Variants in TMC6 observed in about 807,000 individuals in gnomAD.
TMC6 encodes transmembrane channel like 6.
In TMC6, 71 loss-of-function variants were observed where a neutral mutation model predicts 95.4. The observed-to-expected ratio is 0.74, with a 90% CI of 0.61 to 0.91. The LOEUF (loss-of-function observed/expected upper bound fraction) is 0.91. Ranked by LOEUF, TMC6 falls within the 40% of genes least tolerant of loss-of-function variation. The pLI is 0.00. For missense variants in TMC6, 1,074 were observed against 1,079.1 expected (o/e 1.00, Z 0.07); for synonymous variants, 514 against 483.1 (o/e 1.06, Z -0.84).
intron 5 of TMC6, 65 bp downstream of exon 5, chr17:78,125,661 C>T: frequency 6.5e-7 from 1 of 1,543,266 alleles, no homozygotes; most frequent in African/African-American, 1.4e-5. Context: ...CCAGGCCAGG[C>T]TGGCCTCTTG....
chr17:78,127,048 A>C (rs1014767140), intron 1 of TMC6, 142 bp from the exon 2 acceptor site: 7 of 634,088 alleles, frequency 1.1e-5, no homozygotes, highest in African/African-American at 3.6e-5. Context: ...CAGGTACATA[A>C]ATGGTGAGGC....
At chr17:78,123,965 T>C (rs1260908618) in intron 9 of TMC6, 24 bp downstream of exon 9, 1 of 1,613,220 alleles carries the variant, frequency 6.2e-7, no homozygotes, top group Non-Finnish European at 8.5e-7. Flanking sequence ...GCTCGGAGCC[T>C]GGGTCATGAG....
At chr17:78,113,886 G>A in intron 18 of TMC6, 1 of 495,814 alleles carries the variant, frequency 2.0e-6, no homozygotes, top group East Asian at 3.8e-5. Flanking sequence ...GAGCCAGCCT[G>A]ACTCAATTTA....
At chr17:78,131,717 G>A (rs2074976072), upstream of TMC6, 1 of 1,584,910 alleles carries the variant, frequency 6.3e-7, no homozygotes, top group Non-Finnish European at 8.6e-7. Flanking sequence ...CCTATGCCAT[G>A]ATGGACAAGC....
intron 15 of TMC6, 90 bp from the exon 16 acceptor site, chr17:78,118,025 G>C: frequency 6.5e-7 from 1 of 1,543,486 alleles, no homozygotes; most frequent in African/African-American, 1.4e-5. Flanking sequence ...AGGGCGACCA[G>C]GGCTGTGCGT....
chr17:78,123,612 A>G lies in TMC6; in HGVS notation c.1082+377T>C, dbSNP rs1450223213. Among the ~76,000 whole-genome samples, 30 of 107,156 alleles carry G rather than the reference A, an allele frequency of 2.8e-4. No individual in the cohort carries two copies. The East Asian group carries it at 4.6e-3, about 16-fold the overall frequency. The allele number at this position is 107,156 out of a possible 152,430, so 70.3% of individuals were successfully genotyped here. A position where few individuals can be genotyped will look rare whatever the true frequency, so the allele number is the denominator to read the frequency against. On this transcript the variant is annotated intron_variant, in intron 9 of 19. Coordinates refer to ENST00000590602, the MANE Select transcript of TMC6 (RefSeq NM_001127198.5). Reference sequence around the variant, plus strand: ...GGATGGATGGGTGGGTGAATGGATGAATGGGTGGATGGGTGGATGGGTGGG... The same window carrying G: ...GGATGGATGGGTGGGTGAATGGATGGATGGGTGGATGGGTGGATGGGTGGG...
chr17:78,126,868 G>T lies in TMC6; in HGVS notation c.-36C>A. On this transcript the variant is annotated 5_prime_UTR_variant, in exon 2 of 20. Coordinates refer to ENST00000590602, the MANE Select transcript of TMC6 (RefSeq NM_001127198.5). ...AATGCCCGCTAGTCTGCAGACCTAG[G>T]GTAGCTCAGAGCCTGGGCGCCACCT... 2 of 1,608,146 alleles carry T rather than the reference G, an allele frequency of 1.2e-6. No homozygotes were observed. The highest frequency in any genetic ancestry group is 2.1e-4 in the Middle Eastern group (1 of 4,790).
chr17:78,117,410 AC>A, intron 17 of TMC6, 57 bp downstream of exon 17: 2 of 1,611,832 alleles, frequency 1.2e-6, no homozygotes, highest in South Asian at 2.2e-5. Flanking sequence ...CAGTCCCCAC[AC>A]GGTGCAGGCC....
In TMC6 at chr17:78,119,323, C is replaced by A. The variant is rs1180466290; in HGVS notation, c.1785G>T (p.Glu595Asp). The change falls in exon 14 of 20, where the codon GAG becomes GAT. Residue 595 changes from glutamate (E) to aspartate (D), a missense_variant. Glu to Asp is a conservative substitution (Grantham distance 45). Coordinates refer to ENST00000590602, the MANE Select transcript of TMC6 (RefSeq NM_001127198.5). ...PEFDIARNVL[E>D]LIYGQTLTWL... ...AGGTCAGAGTCTGCCCATAAATCAG[C>A]TCCAGGACATTCCGGGCAATGTCAA... 6.2e-7 allele frequency: 1 copy of A among 1,614,072 alleles called. No homozygotes were observed. The highest frequency in any genetic ancestry group is 2.2e-5 in the East Asian group (1 of 44,880).
In TMC6 at chr17:78,123,182, C is replaced by T. The variant is rs565448754; in HGVS notation, c.1083-433G>A. ...AAGCAGCCTGACTCCTTCCCCAGTG[C>T]TCCCATAACACTGGGGAAACACCAC... On this transcript the variant is annotated intron_variant, in intron 9 of 19. Coordinates refer to ENST00000590602, the MANE Select transcript of TMC6 (RefSeq NM_001127198.5). 1.1e-4 allele frequency: 37 copies of T among 333,146 alleles called. 1 individual carries two copies. The highest frequency in any genetic ancestry group is 8.8e-4 in the South Asian group (36 of 40,696). The allele number at this position is 333,146 out of a possible 1,614,324, so 20.6% of individuals were successfully genotyped here. A position where few individuals can be genotyped will look rare whatever the true frequency, so the allele number is the denominator to read the frequency against.
rs1234701873 is a variant in TMC6 at position 78,121,191 on chromosome 17, T to C, written c.1384-27A>G. ...TGCAGGGGTGCAGGGAGCGGTGTCA[T>C]GGAAGCCCCCCATCCATGGTGGGAG... On this transcript the variant is annotated intron_variant, in intron 11 of 19. Transcript: ENST00000590602. The surrounding 1 kb of genome is among the most constrained non-coding windows in gnomAD (Gnocchi z 5.6). 1.3e-6 allele frequency: 2 copies of C among 1,562,602 alleles called. No individual in the cohort carries two copies. Among genetic ancestry groups the C allele is most frequent in the African/African-American group, 1.4e-5 (1 of 73,424 alleles).
At chr17:78,116,187 G>A (rs2074101119) in intron 18 of TMC6, among the ~76,000 whole-genome samples, 1 of 151,896 alleles carries the variant, frequency 6.6e-6, no homozygotes, top group Non-Finnish European at 1.5e-5. Context: ...ATGATGGTCA[G>A]GCTGGTCTCG....
chr17:78,119,158 G>T, intron 14 of TMC6, 112 bp from the exon 15 acceptor site: 1 of 1,494,762 alleles, frequency 6.7e-7, no homozygotes, highest in South Asian at 1.1e-5. Context: ...CTGAGTCCCC[G>T]GGGTTAGGGT....
intron 5 of TMC6, among the ~76,000 whole-genome samples, 165 bp downstream of exon 5, chr17:78,125,561 T>A (rs1490553643): frequency 6.6e-6 from 1 of 152,164 alleles, no homozygotes; most frequent in Non-Finnish European, 1.5e-5. Context: ...CCTGTCCCCG[T>A]GGGTCCCTGC....
chr17:78,119,035 A>G lies in TMC6; in HGVS notation c.1823T>C (p.Leu608Pro). 1 of 1,595,122 alleles carries G rather than the reference A, an allele frequency of 6.3e-7. No homozygotes were observed. Residue 608 changes from leucine to proline, a missense_variant, in exon 15 of 20, where the codon CTC (leucine) becomes CCC (proline). Transcript: ENST00000590602. ...YGQTLTWLGV[L>P]FSPLLPAVQI... is the part of the protein sequence containing the mutation. The stretch of plus-strand genomic sequence containing the variant: ...CACGGCGGGGAGGAGGGGCGAGAAG[A>G]GCACCCCCAGCCTGGGGAGGGGGTG...
chr17:78,126,364 T>G lies in TMC6; in HGVS notation c.184A>C (p.Ser62Arg). 1.3e-6 allele frequency: 2 copies of G among 1,592,402 alleles called. No homozygotes were observed. Among genetic ancestry groups the G allele is most frequent in the East Asian group, 4.5e-5 (2 of 44,320 alleles). Residue 62 changes from serine (S) to arginine (R), a missense_variant and splice_region_variant, in exon 4 of 20, where the codon AGT (serine) becomes CGT (arginine). Ser to Arg is a moderately radical substitution (Grantham distance 110). Transcript: ENST00000590602. ...LQQREREVTGSSQQTLWRPEG... is the reference protein window; with the variant it reads ...LQQREREVTGRSQQTLWRPEG... ...GGCCGCCAGAGTGTCTGCTGGCTAC[T>G]TCCTACAAAGCAAGAAAGACTCACC...
In TMC6 at chr17:78,121,242, G is replaced by A; in HGVS notation, c.1384-78C>T. The A allele has an allele frequency of 6.5e-7, 1 of 1,537,330 alleles. No individual in the cohort carries two copies. On this transcript the variant is annotated intron_variant, in intron 11 of 19. Transcript: ENST00000590602. The surrounding 1 kb of genome is among the most constrained non-coding windows in gnomAD (Gnocchi z 5.6). ...CGGGCAGCTACAGGGAAGGGCCCGG[G>A]GTGGAACTGGCAGGTAGCACCTCCC...
chr17:78,112,998 C>T lies in TMC6; in HGVS notation c.*150G>A. Reference sequence around the variant, plus strand: ...TCATTGGGGATGCCCAAGCCGGATTCACCCACCCTTCCAGCTCCAGCCTAG... The same window carrying T: ...TCATTGGGGATGCCCAAGCCGGATTTACCCACCCTTCCAGCTCCAGCCTAG... On this transcript the variant is annotated 3_prime_UTR_variant, in exon 20 of 20. Coordinates refer to ENST00000590602, the MANE Select transcript of TMC6 (RefSeq NM_001127198.5). 1.2e-6 allele frequency: 1 copy of T among 853,936 alleles called. No individual in the cohort carries two copies. Among genetic ancestry groups the T allele is most frequent in the Non-Finnish European group, 1.9e-6 (1 of 535,892 alleles). The allele number at this position is 853,936 out of a possible 1,614,324, so 52.9% of individuals were successfully genotyped here. A position where few individuals can be genotyped will look rare whatever the true frequency, so the allele number is the denominator to read the frequency against.
At chr17:78,124,327 C>T (rs2074584343) in intron 8 of TMC6, 148 bp from the exon 9 acceptor site, 2 of 1,334,198 alleles carry the variant, frequency 1.5e-6, no homozygotes, top group Non-Finnish European at 2.0e-6. Flanking sequence ...CAATCTTGGG[C>T]CTCCAGCCCC....
Sources: allele counts gnomAD v4.1 joint callset (sites outside exome capture counted in the v4.1 genomes callset), GRCh38; gene constraint gnomAD v4.1.1; non-coding constraint Gnocchi (gnomAD v3.1); transcripts MANE v1.5; gene names NCBI Gene and HGNC (gene_info 2026-07-23, HGNC 2026-07-21).